IMMP2L: variants seen among roughly 807,000 people sequenced by gnomAD.
The protein encoded by IMMP2L is mitochondrial inner membrane protease subunit 2.
IMMP2L carries 18 observed loss-of-function variants against 19.3 expected under a neutral mutation model. That is an observed-to-expected ratio of 0.93 (90% CI 0.64 to 1.38). IMMP2L has a LOEUF of 1.38. Among genes scored for constraint, IMMP2L ranks in the 40% most tolerant of loss-of-function variants. The pLI is 0.00. For synonymous variants in IMMP2L, 76 were observed against 73.0 expected (o/e 1.04, Z -0.21); for missense variants, 233 against 218.2 (o/e 1.07, Z -0.43).
intron 5 of IMMP2L, among the ~76,000 whole-genome samples, chr7:110,686,339 T>C (rs975714034): frequency 1.3e-5 from 2 of 150,836 alleles, no homozygotes; most frequent in Non-Finnish European, 2.9e-5. Flanking sequence ...CTCTGTTTTT[T>C]TGCTCTCTTT....
rs373033785 is a variant in IMMP2L, at chr7:110,746,396, C to T, written c.409-82675G>A. ...TTCAGGACTTGAACTCAGCTCTGGACCAAGCAAACCTAGTAGACATCTACA... is the reference window on the plus strand; with the variant it reads ...TTCAGGACTTGAACTCAGCTCTGGATCAAGCAAACCTAGTAGACATCTACA... On this transcript the variant is annotated intron_variant, in intron 5 of 5. Transcript: ENST00000405709. Among the ~76,000 whole-genome samples the T allele has an allele frequency of 3.4e-4, 51 of 152,206 alleles. 1 individual carries two copies. The highest frequency in any genetic ancestry group is 1.7e-3 in the South Asian group (8 of 4,814).
chr7:110,880,734 C>G (rs799615), intron 5 of IMMP2L, among the ~76,000 whole-genome samples: 2,031 of 152,104 alleles, frequency 0.013, 38 homozygotes, highest in African/African-American at 0.046. Context: ...TTAATAACCC[C>G]TGCATATGTT....
chr7:110,722,961 A>G (rs1179697189), intron 5 of IMMP2L, among the ~76,000 whole-genome samples: 1 of 152,112 alleles, frequency 6.6e-6, no homozygotes, highest in Non-Finnish European at 1.5e-5. Context: ...GGAAAAACTC[A>G]AGCTGTGAAG....
In IMMP2L at chr7:110,721,726, G is replaced by A. The variant is rs551984047; in HGVS notation, c.409-58005C>T. Among the ~76,000 whole-genome samples, 411 of 152,224 alleles carry A rather than the reference G, an allele frequency of 2.7e-3. 24 individuals are homozygous for A. The South Asian group carries it at 0.08, about 30-fold the overall frequency. On this transcript the variant is annotated intron_variant, in intron 5 of 5. Coordinates refer to ENST00000405709, the MANE Select transcript of IMMP2L (RefSeq NM_032549.4). Reference sequence around the variant, plus strand: ...TCTTTGCTACTAAACAATGCTGAATGACAATGTTAATTCAACAAGTATTAA... The same window carrying A: ...TCTTTGCTACTAAACAATGCTGAATAACAATGTTAATTCAACAAGTATTAA...
chr7:110,851,514 G>A (rs1480820373), intron 5 of IMMP2L, among the ~76,000 whole-genome samples: 1 of 152,096 alleles, frequency 6.6e-6, no homozygotes, highest in Non-Finnish European at 1.5e-5. Flanking sequence ...CTGAAAGACT[G>A]AGCAATCTAT....
chr7:110,818,510 T>C (rs1164264389), intron 5 of IMMP2L, among the ~76,000 whole-genome samples: 1 of 152,138 alleles, frequency 6.6e-6, no homozygotes, highest in African/African-American at 2.4e-5. Flanking sequence ...TTTTACACTG[T>C]TGGTGGGACT....
At chr7:111,550,683 T>C (rs1849370005) in intron 1 of IMMP2L, among the ~76,000 whole-genome samples, 1 of 152,170 alleles carries the variant, frequency 6.6e-6, no homozygotes, top group African/African-American at 2.4e-5. Context: ...CAATTATTAC[T>C]TCACAGGTCC....
chr7:111,301,119 T>C (rs1822190135), intron 3 of IMMP2L, among the ~76,000 whole-genome samples: 1 of 152,136 alleles, frequency 6.6e-6, no homozygotes, highest in African/African-American at 2.4e-5. Flanking sequence ...ATGTTGTTAC[T>C]TTCTTATTTT....
chr7:110,721,350 T>G (rs1279618538), intron 5 of IMMP2L, among the ~76,000 whole-genome samples: 1 of 152,148 alleles, frequency 6.6e-6, no homozygotes, highest in African/African-American at 2.4e-5. Context: ...AGAGCTCAAT[T>G]AAGGCCGGAC....
At chr7:110,915,114 A>G (rs535841530) in intron 4 of IMMP2L, among the ~76,000 whole-genome samples, 1 of 152,330 alleles carries the variant, frequency 6.6e-6, no homozygotes, top group South Asian at 2.1e-4. Flanking sequence ...AAATGAAAAC[A>G]GTATCTTAAG....
chr7:110,863,984 C>G (rs957696248), intron 5 of IMMP2L, among the ~76,000 whole-genome samples: 1 of 152,020 alleles, frequency 6.6e-6, no homozygotes. Flanking sequence ...GCATAACATA[C>G]TTACAAAGCA....
intron 4 of IMMP2L, among the ~76,000 whole-genome samples, chr7:110,920,208 A>G (rs114237755): frequency 0.015 from 2,283 of 152,170 alleles, 62 homozygotes; most frequent in African/African-American, 0.052. Flanking sequence ...ACACCTTGTG[A>G]TCACGTGAGT....
At chr7:110,848,006 A>ATCTT (rs1406117724) in intron 5 of IMMP2L, among the ~76,000 whole-genome samples, 1 of 152,174 alleles carries the variant, frequency 6.6e-6, no homozygotes, top group Non-Finnish European at 1.5e-5. Flanking sequence ...TATGGTGATG[A>ATCTT]TCTTTTAGAT....
chr7:110,950,057 T>G (rs928844658), intron 4 of IMMP2L, among the ~76,000 whole-genome samples: 4 of 152,176 alleles, frequency 2.6e-5, no homozygotes, highest in Non-Finnish European at 5.9e-5. Flanking sequence ...GTCATGAAGC[T>G]ATTTCACTAC....
rs116718431 is a variant in IMMP2L, at chr7:111,268,830, G to T, written c.239+218408C>A. 5.8e-3 allele frequency among the ~76,000 whole-genome samples: 879 copies of T among 151,780 alleles called. 15 individuals carry two copies. The highest frequency in any genetic ancestry group is 0.019 in the African/African-American group (805 of 41,372). ...GCCCTAGCTGGTCTAAAACCCCTGGGCTCAAGCAATCCTCCTATCTCAGCC... is the reference window on the plus strand; with the variant it reads ...GCCCTAGCTGGTCTAAAACCCCTGGTCTCAAGCAATCCTCCTATCTCAGCC... On this transcript the variant is annotated intron_variant, in intron 3 of 5. Transcript: ENST00000405709.
intron 5 of IMMP2L, among the ~76,000 whole-genome samples, chr7:110,764,152 C>T (rs563897349): frequency 9.9e-5 from 15 of 152,152 alleles, no homozygotes; most frequent in South Asian, 6.2e-4. Flanking sequence ...AACTACCTGC[C>T]AACATTGAAA....
intron 5 of IMMP2L, among the ~76,000 whole-genome samples, chr7:110,878,457 G>C (rs1809296289): frequency 6.6e-6 from 1 of 151,876 alleles, no homozygotes; most frequent in African/African-American, 2.4e-5. Context: ...CTTTTGGTTT[G>C]AAAAGATACA....
At chr7:111,505,816 G>A (rs1844833326) in intron 2 of IMMP2L, among the ~76,000 whole-genome samples, 1 of 151,534 alleles carries the variant, frequency 6.6e-6, no homozygotes, top group Admixed American at 6.6e-5. Context: ...AGTGGGGACT[G>A]TTGTGGGGTG....
chr7:110,895,294 G>C (rs1357343548), intron 4 of IMMP2L, among the ~76,000 whole-genome samples: 1 of 152,076 alleles, frequency 6.6e-6, no homozygotes, highest in Admixed American at 6.6e-5. Context: ...TGGGAATTGT[G>C]GGAGTTGCAA....
Sources: allele counts gnomAD v4.1 joint callset (sites outside exome capture counted in the v4.1 genomes callset), GRCh38; gene constraint gnomAD v4.1.1; transcripts MANE v1.5; gene names NCBI Gene and HGNC (gene_info 2026-07-23, HGNC 2026-07-21).